TLR6: variants seen among roughly 807,000 people sequenced by gnomAD.
TLR6 encodes the protein toll-like receptor 6.
TLR6 carries 9 observed loss-of-function variants against 16.1 expected under a neutral mutation model. The observed-to-expected ratio is 0.56, with a 90% confidence interval of 0.34 to 0.98. The LOEUF is 0.98. TLR6 is among the 50% of genes least tolerant of loss of function. The pLI is 0.02. For missense variants in TLR6, 786 were observed against 921.0 expected, an observed-to-expected ratio of 0.85 and a Z score of 1.90; for synonymous variants, 340 against 338.6, an observed-to-expected ratio of 1.00 and a Z score of -0.04.
intron 1 of TLR6, among the ~76,000 whole-genome samples, chr4:38,849,619 GT>G (rs1482999422): frequency 6.6e-6 from 1 of 152,134 alleles, no homozygotes; most frequent in African/African-American, 2.4e-5. Context: ...AAAGGCAGGG[GT>G]TGCAATCCTA....
At chr4:38,859,509 A>T (rs1323519661), upstream of TLR6, among the ~76,000 whole-genome samples, 1 of 151,954 alleles carries the variant, frequency 6.6e-6, no homozygotes, top group Non-Finnish European at 1.5e-5. Context: ...TTCTCAAAAG[A>T]TACATAAGAA....
upstream of TLR6, among the ~76,000 whole-genome samples, chr4:38,861,769 A>C (rs1713200558): frequency 6.6e-6 from 1 of 152,032 alleles, no homozygotes; most frequent in Non-Finnish European, 1.5e-5. Context: ...TTTCACTTCC[A>C]AAATCTCCTT....
chr4:38,857,877 C>T (rs1393070670), upstream of TLR6, among the ~76,000 whole-genome samples: 1 of 152,214 alleles, frequency 6.6e-6, no homozygotes, highest in Non-Finnish European at 1.5e-5. Flanking sequence ...AGCCAGAAAG[C>T]AGCAGGTATC....
intron 1 of TLR6, among the ~76,000 whole-genome samples, chr4:38,843,296 T>C (rs1712367393): frequency 6.6e-6 from 1 of 152,232 alleles, no homozygotes; most frequent in South Asian, 2.1e-4. Flanking sequence ...AAAGCATCTA[T>C]GAGCTCCTGG....
intron 1 of TLR6, among the ~76,000 whole-genome samples, chr4:38,855,144 G>A (rs552274435): frequency 2.6e-5 from 4 of 151,630 alleles, no homozygotes; most frequent in South Asian, 2.1e-4. Flanking sequence ...CCCGGGAGGC[G>A]GAGCTTGCAG....
exon 2 of TLR6, chr4:38,828,596 C>T (rs1727669944): frequency 4.3e-6 from 7 of 1,613,868 alleles, no homozygotes; most frequent in South Asian, 1.1e-5. Flanking sequence ...ATCTTCTTCA[C>T]GAATGCTTTC....
At position 38,855,995 on chromosome 4, in the gene TLR6, G is replaced by A. The variant is rs371301584; in HGVS notation, c.-65+766C>T. The stretch of plus-strand genomic sequence containing the variant: ...CTATGAAAATTAAAACTACAAGGAA[G>A]AAGAGAGCAGAAAAAAAATTAAGTG... On this transcript the variant is annotated intron_variant, in intron 1 of 1. Transcript: ENST00000436693. Among the ~76,000 whole-genome samples, 5 of 151,728 alleles carry A rather than the reference G, an allele frequency of 3.3e-5. 1 individual carries two copies. The highest frequency in any genetic ancestry group is 1.2e-4 in the African/African-American group (5 of 41,136).
chr4:38,833,050 C>T (rs1711703223), intron 1 of TLR6, among the ~76,000 whole-genome samples: 1 of 152,086 alleles, frequency 6.6e-6, no homozygotes, highest in South Asian at 2.1e-4. Flanking sequence ...GTGGCACATG[C>T]ATGCCACACG....
intron 1 of TLR6, among the ~76,000 whole-genome samples, chr4:38,833,905 TA>T (rs1284258901): frequency 4.0e-5 from 6 of 151,116 alleles, no homozygotes; most frequent in African/African-American, 1.2e-4. Flanking sequence ...ATAAATGAAG[TA>T]AAAAAATATA....
chr4:38,845,634 T>A (rs1712492955), intron 1 of TLR6, among the ~76,000 whole-genome samples: 1 of 152,214 alleles, frequency 6.6e-6, no homozygotes, highest in Admixed American at 6.5e-5. Context: ...AGTACCTGGA[T>A]TCCCTCCTAG....
At chr4:38,852,131 A>C (rs998382909) in intron 1 of TLR6, among the ~76,000 whole-genome samples, 21 of 152,364 alleles carry the variant, frequency 1.4e-4, no homozygotes, top group African/African-American at 4.8e-4. Flanking sequence ...AAATAGGGAA[A>C]GGATTCCCTA....
intron 1 of TLR6, among the ~76,000 whole-genome samples, chr4:38,848,370 G>A (rs1334712338): frequency 6.6e-6 from 1 of 152,228 alleles, no homozygotes; most frequent in Non-Finnish European, 1.5e-5. Context: ...CTAAAAATCA[G>A]AGCACCTCTC....
chr4:38,828,645 G>C (rs372146473), exon 2 of TLR6: 1 of 1,613,962 alleles, frequency 6.2e-7, no homozygotes, highest in Admixed American at 1.7e-5. Context: ...TATTCCACAG[G>C]TTTGGGCCAA....
chr4:38,853,874 T>C (rs570140930), intron 1 of TLR6, among the ~76,000 whole-genome samples: 4 of 152,348 alleles, frequency 2.6e-5, no homozygotes, highest in African/African-American at 9.6e-5. Flanking sequence ...ATGTAGCCTT[T>C]AAAAATAATA....
At chr4:38,830,384 A>G (rs924447558) in intron 1 of TLR6, among the ~76,000 whole-genome samples, 1 of 152,228 alleles carries the variant, frequency 6.6e-6, no homozygotes, top group Non-Finnish European at 1.5e-5. Context: ...AAGTCATTAA[A>G]CAAGCAACTA....
the TLR6 span, among the ~76,000 whole-genome samples, chr4:38,865,375 A>C: frequency 6.6e-6 from 1 of 152,214 alleles, no homozygotes; most frequent in Non-Finnish European, 1.5e-5. Flanking sequence ...AAAAGGGACA[A>C]ATTTGCAGTG....
upstream of TLR6, among the ~76,000 whole-genome samples, chr4:38,858,086 G>T (rs139334848): frequency 1.6e-3 from 238 of 152,276 alleles, 1 homozygote; most frequent in African/African-American, 5.2e-3. Flanking sequence ...TATTCTTGTC[G>T]AGGCTGTCAT....
At chr4:38,840,416 G>A (rs59967568) in intron 1 of TLR6, among the ~76,000 whole-genome samples, 4,846 of 151,972 alleles carry the variant, frequency 0.032, 229 homozygotes, top group African/African-American at 0.09. Context: ...CATGGATCAC[G>A]AGGTCAGGAG....
intron 1 of TLR6, among the ~76,000 whole-genome samples, chr4:38,834,565 TC>T (rs952213371): frequency 6.6e-6 from 1 of 152,056 alleles, no homozygotes; most frequent in African/African-American, 2.4e-5. Context: ...TAGATTTAAT[TC>T]AAAAATGTTC....
Sources: gnomAD v4.1 joint callset for allele counts (sites outside exome capture counted in the v4.1 genomes callset) on GRCh38, gnomAD v4.1.1 for gene constraint, MANE v1.5 for transcripts, NCBI Gene and HGNC (gene_info 2026-07-23, HGNC 2026-07-21) for gene names.